Variants in CNTNAP3B observed in about 807,000 individuals in gnomAD.
CNTNAP3B encodes the protein contactin-associated protein-like 3B.
In CNTNAP3B, 25 loss-of-function variants were observed where a neutral mutation model predicts 108.9. The ratio of observed to expected loss-of-function variants is 0.23; its 90% CI spans 0.17 to 0.32. The LOEUF (loss-of-function observed/expected upper bound fraction) is 0.32, where lower values mean the gene tolerates loss of function less well. Among genes scored for constraint, CNTNAP3B ranks in the 10% least tolerant of loss-of-function variants. The probability of loss-of-function intolerance (pLI) is 1.00; values close to 1 mark genes in which losing one functional copy is unlikely to be tolerated. For missense variants in CNTNAP3B, 252 were observed against 1,210.4 expected (o/e 0.21, Z 11.75); for synonymous variants, 103 against 473.4 (o/e 0.22, Z 10.16).
intron 1 of CNTNAP3B, among the ~76,000 whole-genome samples, chr9:42,121,119 G>T (rs1828452800): frequency 7.2e-6 from 1 of 138,546 alleles, no homozygotes; most frequent in African/African-American, 2.9e-5. Flanking sequence ...CAAGGGCAGT[G>T]CTGAATCCCT....
rs1452633424 is a variant in CNTNAP3B, at chr9:42,117,636, A to G, written c.85+11374T>C. The stretch of plus-strand genomic sequence containing the variant: ...AAGAACCAGAGAAGCAAGAGCAAAC[A>G]CATTCAAAAGCTAGCAGAAGGCAAG... On this transcript the variant is annotated intron_variant, in intron 1 of 23. Transcript: ENST00000377561. Among the ~76,000 whole-genome samples, 116 of 136,956 alleles carry G rather than the reference A, an allele frequency of 8.5e-4. 9 individuals are homozygous for G. The highest frequency in any genetic ancestry group is 1.6e-3 in the Non-Finnish European group (105 of 64,328). 89.8% of individuals were successfully genotyped at this position (136,956 alleles called of 152,430 possible). A position where few individuals can be genotyped will look rare whatever the true frequency, so the allele number is the denominator to read the frequency against.
At chr9:41,958,577 C>A (rs1419650168) in intron 12 of CNTNAP3B, among the ~76,000 whole-genome samples, 2 of 151,760 alleles carry the variant, frequency 1.3e-5, no homozygotes, top group Non-Finnish European at 2.9e-5. Flanking sequence ...CTTTAGGGAG[C>A]CTGTGCCTCT....
intron 1 of CNTNAP3B, among the ~76,000 whole-genome samples, chr9:42,111,821 T>C (rs1828198153): frequency 1.4e-5 from 2 of 138,636 alleles, no homozygotes; most frequent in South Asian, 4.7e-4. Flanking sequence ...CTGTAGGTCC[T>C]CATGTTAACG....
At chr9:41,961,243 C>T (rs1160321130) in intron 11 of CNTNAP3B, among the ~76,000 whole-genome samples, 1 of 152,418 alleles carries the variant, frequency 6.6e-6, no homozygotes, top group Middle Eastern at 3.4e-3. Context: ...GAATGCGATA[C>T]TATCTTCAAT....
chr9:41,967,480 C>T (rs1825316554), intron 10 of CNTNAP3B, among the ~76,000 whole-genome samples: 2 of 152,278 alleles, frequency 1.3e-5, no homozygotes, highest in South Asian at 4.1e-4. Flanking sequence ...TTATAATTAC[C>T]CAGTCTTGGG....
At chr9:42,023,210 ATC>A (rs1246817175) in intron 3 of CNTNAP3B, among the ~76,000 whole-genome samples, 2 of 140,744 alleles carry the variant, frequency 1.4e-5, no homozygotes, top group South Asian at 4.7e-4. Flanking sequence ...GTGCACTTGA[ATC>A]TCTCAGGCTG....
intron 3 of CNTNAP3B, among the ~76,000 whole-genome samples, chr9:42,072,949 T>A (rs200690185): frequency 7.2e-6 from 1 of 138,118 alleles, no homozygotes; most frequent in Non-Finnish European, 1.5e-5. Flanking sequence ...ATAAAACATA[T>A]GAATATTCAC....
At chr9:41,954,810 A>C (rs1824805278) in intron 12 of CNTNAP3B, among the ~76,000 whole-genome samples, 1 of 152,228 alleles carries the variant, frequency 6.6e-6, no homozygotes, top group Non-Finnish European at 1.5e-5. Flanking sequence ...CAGCCTCACA[A>C]GTAGCTGGGA....
At chr9:42,070,647 T>A (rs948124935) in intron 3 of CNTNAP3B, among the ~76,000 whole-genome samples, 1 of 151,988 alleles carries the variant, frequency 6.6e-6, no homozygotes, top group African/African-American at 2.4e-5. Context: ...CTAACTGCAG[T>A]GTCTGCCATC....
Position 41,997,704 on chromosome 9 carries a change from C to T in CNTNAP3B, c.791G>A (p.Gly264Asp). 1.3e-6 allele frequency: 2 copies of T among 1,596,050 alleles called. No homozygotes were observed. The highest frequency in any genetic ancestry group is 8.5e-7 in the Non-Finnish European group (1 of 1,171,762). ...CCAGTGCTGGTCATCCAGCAGGCTG[C>T]CCAGGGTGAGGGTCACAGGAGCAAT... ...STIAPVTLTL[G>D]SLLDDQHWHS... The change falls in exon 6 of 24, where the codon GGC becomes GAC. Residue 264 changes from glycine to aspartate, a missense_variant. Coordinates refer to ENST00000377561, the MANE Select transcript of CNTNAP3B (RefSeq NM_001201380.3).
chr9:41,944,288 T>C (rs1472891004), intron 13 of CNTNAP3B, among the ~76,000 whole-genome samples: 1 of 148,138 alleles, frequency 6.8e-6, no homozygotes. Context: ...AAATAAAATC[T>C]AGTGTCTTCT....
At chr9:41,939,604 A>G (rs1246918600) in intron 13 of CNTNAP3B, among the ~76,000 whole-genome samples, 1 of 152,302 alleles carries the variant, frequency 6.6e-6, no homozygotes, top group Admixed American at 6.5e-5. Flanking sequence ...TACAACGTAA[A>G]AGATATTTTT....
intron 13 of CNTNAP3B, among the ~76,000 whole-genome samples, chr9:41,952,070 A>G (rs1204254613): frequency 1.3e-5 from 2 of 152,250 alleles, no homozygotes; most frequent in Non-Finnish European, 2.9e-5. Context: ...CAGAGAGGTC[A>G]ATCCAGGCAG....
At chr9:41,977,613 A>T (rs183472091) in intron 9 of CNTNAP3B, among the ~76,000 whole-genome samples, 3 of 115,346 alleles carry the variant, frequency 2.6e-5, no homozygotes, top group African/African-American at 9.7e-5. Context: ...TTAGGGATGA[A>T]TTTTACCTTT....
At chr9:41,926,941 T>C (rs1337186513) in intron 15 of CNTNAP3B, among the ~76,000 whole-genome samples, 2 of 152,312 alleles carry the variant, frequency 1.3e-5, no homozygotes, top group African/African-American at 4.8e-5. Context: ...CAGTGTTTGA[T>C]GTCAGAGTAT....
At chr9:41,950,907 C>A (rs1459474848) in intron 13 of CNTNAP3B, among the ~76,000 whole-genome samples, 1 of 149,836 alleles carries the variant, frequency 6.7e-6, no homozygotes, top group Non-Finnish European at 1.5e-5. Flanking sequence ...AGGCACCCGC[C>A]ACCACACCTG....
At chr9:42,044,833 T>C (rs1388686996) in intron 3 of CNTNAP3B, among the ~76,000 whole-genome samples, 1 of 126,854 alleles carries the variant, frequency 7.9e-6, no homozygotes, top group Non-Finnish European at 1.7e-5. Context: ...TGTATAGCTC[T>C]CTCCTCCAAG....
At chr9:41,917,653 A>G (rs959198333) in intron 18 of CNTNAP3B, among the ~76,000 whole-genome samples, 1 of 146,720 alleles carries the variant, frequency 6.8e-6, no homozygotes, top group African/African-American at 2.6e-5. Flanking sequence ...GGCAATTGGG[A>G]CACAGGATTT....
intron 14 of CNTNAP3B, among the ~76,000 whole-genome samples, chr9:41,935,235 A>G (rs1192440464): frequency 6.8e-3 from 1,031 of 151,984 alleles, no homozygotes; most frequent in Non-Finnish European, 0.012. Context: ...CTGATCATAA[A>G]CTTTTTTTTA....
Sources: allele counts gnomAD v4.1 joint callset (sites outside exome capture counted in the v4.1 genomes callset), GRCh38; gene constraint gnomAD v4.1.1; transcripts MANE v1.5; gene names NCBI Gene and HGNC (gene_info 2026-07-23, HGNC 2026-07-21).